The following G3BP2 variants were observed in gnomAD, a reference collection of about 807,000 sequenced individuals.
G3BP2 encodes G3BP stress granule assembly factor 2, also known as ras GTPase-activating protein-binding protein 2.
A neutral mutation model predicts 56.7 loss-of-function variants in G3BP2; 11 were observed. The ratio of observed to expected loss-of-function variants is 0.19; its 90% confidence interval spans 0.12 to 0.32. G3BP2 has a LOEUF of 0.32. G3BP2 is among the 10% of genes least tolerant of loss of function. G3BP2 has a pLI of 1.00. For synonymous variants in G3BP2, 165 were observed against 191.6 expected (o/e 0.86, Z 1.15); for missense variants, 340 against 610.9 (o/e 0.56, Z 4.67).
chr4:75,696,959 C>T (rs981901125), intron 3 of G3BP2, among the ~76,000 whole-genome samples: 31 of 152,070 alleles, frequency 2.0e-4, no homozygotes, highest in African/African-American at 6.8e-4. Context: ...TCAACATATT[C>T]AGACTTTATT....
chr4:75,659,280 AC>A (rs1732358851), intron 2 of G3BP2, among the ~76,000 whole-genome samples: 1 of 152,018 alleles, frequency 6.6e-6, no homozygotes, highest in South Asian at 2.1e-4. Flanking sequence ...ATAGTAATTG[AC>A]CCTGTTTTTT....
Position 75,657,571 on chromosome 4 carries a change from C to T in G3BP2, c.337G>A (p.Val113Ile). The T allele has an allele frequency of 1.2e-6, 2 of 1,607,540 alleles. No individual in the cohort carries two copies. The highest frequency in any genetic ancestry group is 1.7e-6 in the Non-Finnish European group (2 of 1,177,654). ...QPERKFMQTF[V>I]LAPEGSVPNK... Reference sequence around the variant, plus strand: ...GAGAAACTTACTTCAGGAGCCAGAACAAAGGTTTGCATAAACTTTCTTTCT... The same window carrying T: ...GAGAAACTTACTTCAGGAGCCAGAATAAAGGTTTGCATAAACTTTCTTTCT... The change falls in exon 4 of 12, where the codon GTT becomes ATT. Residue 113 changes from valine to isoleucine, a missense_variant. By Grantham distance (29) the Val-to-Ile change is conservative. Around this residue, in one of 4 missense-constraint regions of G3BP2, gnomAD observed 224 missense variants for 332.5 expected, o/e 0.67. Transcript: ENST00000359707.
At position 75,643,455 on chromosome 4, in the gene G3BP2, G is replaced by C. The variant is rs1340097707; in HGVS notation, c.*1975C>G. 6.8e-6 allele frequency: 1 copy of C among 147,974 alleles called. No individual in the cohort carries two copies. The highest frequency in any genetic ancestry group is 2.5e-5 in the African/African-American group (1 of 39,874). The allele number at this position is 147,974 out of a possible 1,614,324, so 9.2% of individuals were successfully genotyped here. A position where few individuals can be genotyped will look rare whatever the true frequency, so the allele number is the denominator to read the frequency against. On this transcript the variant is annotated 3_prime_UTR_variant, in exon 12 of 12. Coordinates refer to ENST00000359707, the MANE Select transcript of G3BP2 (RefSeq NM_203505.3). ...GGTAAGAATTTCAAGTACTATATCA[G>C]AAAGTATAAAACTGTTTCAAACAGA...
chr4:75,647,235 C>T, intron 9 of G3BP2, 78 bp from the exon 10 acceptor site: 1 of 927,464 alleles, frequency 1.1e-6, no homozygotes, highest in Non-Finnish European at 1.6e-6. Flanking sequence ...GTAAAAATCA[C>T]TTAATATTGA....
At chr4:75,709,817 A>T (rs572626187) in intron 3 of G3BP2, among the ~76,000 whole-genome samples, 28 of 150,546 alleles carry the variant, frequency 1.9e-4, no homozygotes, top group Non-Finnish European at 4.1e-4. Flanking sequence ...CTACAGGCAC[A>T]CATCACTGCA....
intron 3 of G3BP2, among the ~76,000 whole-genome samples, chr4:75,709,351 C>T (rs575677906): frequency 3.5e-4 from 45 of 129,994 alleles, no homozygotes; most frequent in African/African-American, 1.3e-3. Flanking sequence ...ACCCTGGAGG[C>T]AGAGGTTGCA....
chr4:75,661,811 GTT>G, intron 2 of G3BP2, 118 bp downstream of exon 2: 1 of 613,320 alleles, frequency 1.6e-6, no homozygotes, highest in Non-Finnish European at 3.0e-6. Context: ...ATTGAATACA[GTT>G]TAGACATGTT....
intron 6 of G3BP2, among the ~76,000 whole-genome samples, 155 bp downstream of exon 6, chr4:75,655,613 C>G (rs1011662944): frequency 2.0e-5 from 3 of 152,216 alleles, no homozygotes; most frequent in Non-Finnish European, 4.4e-5. Context: ...TAAAACCATT[C>G]TTTCCAAATT....
At chr4:75,668,308 C>G (rs1408255248) in intron 1 of G3BP2, among the ~76,000 whole-genome samples, 3 of 152,216 alleles carry the variant, frequency 2.0e-5, no homozygotes, top group Non-Finnish European at 4.4e-5. Context: ...CAAACTTTGA[C>G]TAAAACGTCA....
chr4:75,705,370 T>C (rs1201334441), intron 3 of G3BP2, among the ~76,000 whole-genome samples: 3 of 152,254 alleles, frequency 2.0e-5, no homozygotes, highest in Admixed American at 6.5e-5. Flanking sequence ...AATCATGTTT[T>C]ACCATTTCAA....
At chr4:75,675,988 G>A (rs900940591), upstream of G3BP2, among the ~76,000 whole-genome samples, 1 of 152,176 alleles carries the variant, frequency 6.6e-6, no homozygotes, top group African/African-American at 2.4e-5. Flanking sequence ...CAGCCCTCAG[G>A]TAACCCTGCT....
intron 3 of G3BP2, among the ~76,000 whole-genome samples, chr4:75,684,913 G>A (rs1021511034): frequency 4.0e-5 from 6 of 151,586 alleles, no homozygotes; most frequent in African/African-American, 1.5e-4. Flanking sequence ...CTGGTAATAA[G>A]TTATCAAAAT....
intron 1 of G3BP2, among the ~76,000 whole-genome samples, chr4:75,665,636 CACACACAAACACACAA>C (rs750706740): frequency 2.3e-3 from 103 of 44,778 alleles, no homozygotes; most frequent in Non-Finnish European, 3.8e-3. Context: ...AACACACACA[CACACACAAACACACAA>C]ACAAACACAC....
chr4:75,696,878 C>T (rs11097068), intron 3 of G3BP2, among the ~76,000 whole-genome samples: 132,943 of 151,860 alleles, frequency 0.88, 58,211 homozygotes, highest in East Asian at 0.91. Context: ...AGATGCCCTA[C>T]AATACTCGAG....
upstream of G3BP2, chr4:75,673,451 C>A (rs1056770544): frequency 8.1e-7 from 1 of 1,232,102 alleles, no homozygotes; most frequent in South Asian, 4.1e-5. Context: ...ATTGTTTTAC[C>A]CCTGCCGAAA....
At chr4:75,702,390 G>A (rs577756896) in intron 3 of G3BP2, among the ~76,000 whole-genome samples, 11 of 151,982 alleles carry the variant, frequency 7.2e-5, no homozygotes, top group African/African-American at 1.5e-4. Flanking sequence ...GCAACCCACC[G>A]CCTGGGTCTC....
Position 75,658,824 on chromosome 4 carries a change from A to T in G3BP2, c.177+19T>A. 2 of 1,467,634 alleles carry T rather than the reference A, an allele frequency of 1.4e-6. No homozygotes were observed. Among genetic ancestry groups the T allele is most frequent in the Non-Finnish European group, 1.9e-6 (2 of 1,046,078 alleles). 90.9% of individuals were successfully genotyped at this position (1,467,634 alleles called of 1,614,324 possible). On this transcript the variant is annotated intron_variant, in intron 3 of 11. Transcript: ENST00000359707. ...TCTTAACACAAAATTTCTAAACTAC[A>T]TATGAAATTGATACTTACATTTTGG...
intron 2 of G3BP2, chr4:75,661,649 C>A: frequency 4.6e-6 from 1 of 218,106 alleles, no homozygotes; most frequent in South Asian, 7.4e-5. Context: ...CAGAGGAGAC[C>A]ATGACTCTAA....
chr4:75,676,205 A>T (rs971487932), upstream of G3BP2, among the ~76,000 whole-genome samples: 3 of 152,174 alleles, frequency 2.0e-5, no homozygotes, highest in Non-Finnish European at 4.4e-5. Flanking sequence ...CCTCTCAAAC[A>T]TAGCCTCCAT....
Sources: gnomAD v4.1 joint callset for allele counts (sites outside exome capture counted in the v4.1 genomes callset) on GRCh38, gnomAD v4.1.1 for gene constraint, gnomAD v4.1.1 regional missense constraint, MANE v1.5 for transcripts, NCBI Gene and HGNC (gene_info 2026-07-23, HGNC 2026-07-21) for gene names.